Variants in WDR93 observed in about 807,000 individuals in gnomAD.
The protein encoded by WDR93 is WD repeat-containing protein 93.
WDR93 carries 73 observed loss-of-function variants against 82.9 expected under a neutral mutation model. That is an observed-to-expected ratio of 0.88 (90% CI 0.73 to 1.07). The LOEUF (loss-of-function observed/expected upper bound fraction) is 1.07. WDR93 is among the 50% of genes least tolerant of loss of function. The pLI is 0.00. For synonymous variants in WDR93, 283 were observed against 300.1 expected (o/e 0.94, Z 0.59); for missense variants, 738 against 826.0 (o/e 0.89, Z 1.31).
At chr15:89,703,591 G>A (rs1158234131) in intron 3 of WDR93, 1 of 175,990 alleles carries the variant, frequency 5.7e-6, no homozygotes, top group East Asian at 1.5e-4. Flanking sequence ...ACTGTAGACA[G>A]TGTCCTAGAT....
At chr15:89,708,791 A>G (rs1965834567) in intron 4 of WDR93, among the ~76,000 whole-genome samples, 1 of 152,216 alleles carries the variant, frequency 6.6e-6, no homozygotes, top group Non-Finnish European at 1.5e-5. Context: ...TCTGCAGCAG[A>G]CTAACCATTA....
At chr15:89,724,103 G>A (rs556659343) in intron 8 of WDR93, among the ~76,000 whole-genome samples, 1 of 152,224 alleles carries the variant, frequency 6.6e-6, no homozygotes, top group East Asian at 1.9e-4. Flanking sequence ...TTGGGAGGCT[G>A]AGGCAGGCAG....
At chr15:89,739,257 G>A (rs976444762) in intron 16 of WDR93, among the ~76,000 whole-genome samples, 2 of 152,158 alleles carry the variant, frequency 1.3e-5, no homozygotes, top group Non-Finnish European at 2.9e-5. Context: ...GTGCCCATTT[G>A]TTTATGTATT....
At chr15:89,719,145 T>G (rs569322428) in intron 7 of WDR93, among the ~76,000 whole-genome samples, 1 of 152,316 alleles carries the variant, frequency 6.6e-6, no homozygotes, top group Admixed American at 6.5e-5. Flanking sequence ...TGGAATGTAA[T>G]GGCATGATCA....
chr15:89,706,315 A>G (rs1039688696), intron 4 of WDR93, among the ~76,000 whole-genome samples: 4 of 144,772 alleles, frequency 2.8e-5, no homozygotes, highest in African/African-American at 1.0e-4. Flanking sequence ...ACTCAGAGTA[A>G]GGTTTTTTTT....
chr15:89,705,613 G>A lies in WDR93; in HGVS notation c.556G>A (p.Glu186Lys), dbSNP rs200060975. The change falls in exon 4 of 17, where the codon GAA becomes AAA. Residue 186 changes from glutamate to lysine, a missense_variant. Coordinates refer to ENST00000268130, the MANE Select transcript of WDR93 (RefSeq NM_020212.2). ...ACTTTACCTAGTCAAAGCCATCAAT[G>A]AAGTGGTGAGTTCCTATTCTTTCAC... is the stretch of plus-strand genomic sequence containing the variant. ...EGLYLVKAIN[E>K]VDDTSKQTTC... is the part of the protein sequence containing the mutation. 46 of 1,561,092 alleles carry A rather than the reference G, an allele frequency of 2.9e-5. No homozygotes were observed. The East Asian group carries it at 9.8e-4, about 33-fold the overall frequency.
At chr15:89,739,674 C>A (rs1282799121) in intron 16 of WDR93, among the ~76,000 whole-genome samples, 1 of 152,172 alleles carries the variant, frequency 6.6e-6, no homozygotes, top group Non-Finnish European at 1.5e-5. Context: ...AGTCCTGGAT[C>A]CTCGTCCCGG....
rs769426748 is a variant in WDR93 at position 89,727,279 on chromosome 15, G to A, written c.1003G>A (p.Ala335Thr). 3.0e-5 allele frequency: 48 copies of A among 1,613,986 alleles called. No homozygotes were observed. The highest frequency in any genetic ancestry group is 3.9e-5 in the Non-Finnish European group (46 of 1,180,012). ...GGAGCAGCAAGCTGAGATCTTCAAC[G>A]CTTCCTACAAGAAGTACCTAGATAG... ...QWEQQAEIFN[A>T]SYKKYLDREW... Residue 335 changes from alanine (A) to threonine (T), a missense_variant, in exon 9 of 17, where the codon GCT becomes ACT. Physicochemically the swap from Ala to Thr is moderately conservative, Grantham distance 58. Coordinates refer to ENST00000268130, the MANE Select transcript of WDR93 (RefSeq NM_020212.2).
Position 89,722,079 on chromosome 15 carries a change from G to T in WDR93, c.820G>T (p.Asp274Tyr). 1 of 1,609,118 alleles carries T rather than the reference G, an allele frequency of 6.2e-7. No homozygotes were observed. Among genetic ancestry groups the T allele is most frequent in the Non-Finnish European group, 8.5e-7 (1 of 1,178,008 alleles). Reference protein sequence around the residue: ...EMDANVSFKGDIKLSLPVYIM... With the variant: ...EMDANVSFKGYIKLSLPVYIM... ...GGATGCAAATGTTAGTTTTAAAGGA[G>T]ACATTAAATTGAGTCTTCCAGTTTA... Residue 274 changes from aspartate to tyrosine, a missense_variant, in exon 8 of 17, where the codon GAC becomes TAC. Asp to Tyr is a radical substitution (Grantham distance 160). Transcript: ENST00000268130.
rs1361458780 is a variant in WDR93, at chr15:89,712,198, A to T, written c.640+94A>T. On this transcript the variant is annotated intron_variant, in intron 5 of 16. Transcript: ENST00000268130. ...TGTCCCTCCAAACCTTTTATTTAGAAATTATTTTCAATTCAAAGAAGAGTT... is the reference window on the plus strand; with the variant it reads ...TGTCCCTCCAAACCTTTTATTTAGATATTATTTTCAATTCAAAGAAGAGTT... 4 of 1,007,894 alleles carry T rather than the reference A, an allele frequency of 4.0e-6. No homozygotes were observed. In the East Asian group the frequency reaches 1.1e-4, roughly 27 times the overall value. The allele number at this position is 1,007,894 out of a possible 1,614,324, so 62.4% of individuals were successfully genotyped here. A position where few individuals can be genotyped will look rare whatever the true frequency, so the allele number is the denominator to read the frequency against.
Position 89,715,089 on chromosome 15 carries a change from G to A in WDR93, c.750G>A (p.Pro250=), listed in dbSNP as rs751197392. The A allele has an allele frequency of 1.8e-5, 29 of 1,612,922 alleles. No individual in the cohort carries two copies. Among genetic ancestry groups the A allele is most frequent in the South Asian group, 6.6e-5 (6 of 90,918 alleles). ...ATCCAAAGAAAAAAGTCAGACAGCC[G>A]CAACTGGTAGGAAATATCTCTGCTT... ...TSNPKKKVRQ[P]QLNSLGPISA... Residue 250 remains proline, a synonymous_variant, in exon 6 of 17, where the codon CCG becomes CCA. Transcript: ENST00000268130.
intron 13 of WDR93, among the ~76,000 whole-genome samples, chr15:89,733,993 ATGTG>A (rs527967695): frequency 1.3e-4 from 19 of 149,302 alleles, no homozygotes; most frequent in South Asian, 1.1e-3. Flanking sequence ...AACCTGTATA[ATGTG>A]TGTGTGTGTG....
rs180930292 is a variant in WDR93 at position 89,738,121 on chromosome 15, C to T, written c.1846C>T (p.Pro616Ser). 85 of 1,614,070 alleles carry T rather than the reference C, an allele frequency of 5.3e-5. No homozygotes were observed. The East Asian group carries it at 1.6e-3, about 31-fold the overall frequency. ...SVFYFNFEACPLLENISKNCT... is the reference protein window; with the variant it reads ...SVFYFNFEACSLLENISKNCT... ...TTTCTATTTTAATTTTGAGGCCTGC[C>T]CACTCCTGGAAAATATCTCAAAAAA... The change falls in exon 16 of 17, where the codon CCA becomes TCA. Residue 616 changes from proline (P) to serine (S), a missense_variant. Coordinates refer to ENST00000268130, the MANE Select transcript of WDR93 (RefSeq NM_020212.2).
chr15:89,718,148 C>T (rs1238460046), intron 7 of WDR93, among the ~76,000 whole-genome samples: 2 of 151,996 alleles, frequency 1.3e-5, no homozygotes, highest in African/African-American at 4.8e-5. Flanking sequence ...TGAGACCAGC[C>T]TGGGCAACAC....
rs372800084 is a variant in WDR93 at position 89,708,893 on chromosome 15, AG to A, written c.562-3132del. ...GAGTGGGGAAATGACCAAAGGTCAGAGAGTGTTCCTGAAGGCCAGGCTCAAC... is the reference window on the plus strand; with the variant it reads ...GAGTGGGGAAATGACCAAAGGTCAGAAGTGTTCCTGAAGGCCAGGCTCAAC... On this transcript the variant is annotated intron_variant, in intron 4 of 16. Coordinates refer to ENST00000268130, the MANE Select transcript of WDR93 (RefSeq NM_020212.2). Among the ~76,000 whole-genome samples, 8 of 152,382 alleles carry A rather than the reference AG, an allele frequency of 5.2e-5. No individual in the cohort carries two copies. In the East Asian group the frequency reaches 1.5e-3, roughly 29 times the overall value.
upstream of WDR93, chr15:89,690,741 G>A (rs1251666015): frequency 4.3e-6 from 3 of 691,944 alleles, no homozygotes; most frequent in South Asian, 1.8e-5. Flanking sequence ...TGAGGGGGAG[G>A]GGCTGAGTCT....
intron 16 of WDR93, among the ~76,000 whole-genome samples, chr15:89,741,353 G>A (rs1373851815): frequency 5.3e-5 from 8 of 151,766 alleles, no homozygotes; most frequent in Non-Finnish European, 8.8e-5. Flanking sequence ...TCAGCCTTCC[G>A]AGCAACTGGG....
At chr15:89,706,254 G>A (rs539731700) in intron 4 of WDR93, among the ~76,000 whole-genome samples, 403 of 152,072 alleles carry the variant, frequency 2.7e-3, no homozygotes, top group Non-Finnish European at 4.3e-3. Flanking sequence ...AATACTGTAA[G>A]TTCTCAGAAA....
chr15:89,731,675 A>G (rs900622878), intron 12 of WDR93, 113 bp downstream of exon 12: 6 of 1,451,792 alleles, frequency 4.1e-6, no homozygotes, highest in Admixed American at 2.0e-5. Flanking sequence ...GTGTTCTTAA[A>G]GTCACCTTGG....
Sources: gnomAD v4.1 joint callset for allele counts (sites outside exome capture counted in the v4.1 genomes callset) on GRCh38, gnomAD v4.1.1 for gene constraint, MANE v1.5 for transcripts, NCBI Gene and HGNC (gene_info 2026-07-23, HGNC 2026-07-21) for gene names.